PRODH2: variants seen among roughly 807,000 people sequenced by gnomAD.
The protein encoded by PRODH2 is hydroxyproline dehydrogenase.
A neutral mutation model predicts 51.9 loss-of-function variants in PRODH2; 49 were observed. The observed-to-expected ratio is 0.94, with a 90% CI of 0.75 to 1.20. The LOEUF (loss-of-function observed/expected upper bound fraction) is 1.20, where lower values mean the gene tolerates loss of function less well. Ranked by LOEUF, PRODH2 falls within the 50% of genes most tolerant of loss-of-function variation. The pLI is 0.00. For missense variants in PRODH2, 597 were observed against 610.9 expected (o/e 0.98, Z 0.24); for synonymous variants, 249 against 260.7 (o/e 0.96, Z 0.43).
chr19:35,803,809 G>T (rs759985367), intron 7 of PRODH2, among the ~76,000 whole-genome samples: 1 of 152,194 alleles, frequency 6.6e-6, no homozygotes, highest in Non-Finnish European at 1.5e-5. Context: ...GTGCTCTATC[G>T]CGCAACTGTG....
Position 35,807,085 on chromosome 19 carries a change from G to C in PRODH2, c.634C>G (p.Gln212Glu), listed in dbSNP as rs758483501. The change falls in exon 5 of 10, where the codon CAG becomes GAG. Residue 212 changes from glutamine (Q) to glutamate (E), a missense_variant. Physicochemically the swap from Gln to Glu is conservative, Grantham distance 29 (BLOSUM62 2). Coordinates refer to ENST00000653904, the MANE Select transcript of PRODH2 (RefSeq NM_021232.2). Reference protein sequence around the residue: ...QVSCLNAEQNQHLRASLSRLH... With the variant: ...QVSCLNAEQNEHLRASLSRLH... The stretch of plus-strand genomic sequence containing the variant: ...CGGCTGAGGGAGGCCCGGAGGTGCT[G>C]GTTCTGCTCAGCATTGAGGCAGGAG... 3.0e-5 allele frequency: 46 copies of C among 1,552,664 alleles called. No homozygotes were observed. Among genetic ancestry groups the C allele is most frequent in the Non-Finnish European group, 3.7e-5 (42 of 1,147,640 alleles).
chr19:35,812,081 G>A (rs746606252), intron 3 of PRODH2, 33 bp from the exon 4 acceptor site: 4 of 1,613,856 alleles, frequency 2.5e-6, no homozygotes, highest in South Asian at 2.2e-5. Flanking sequence ...GTGGTGAGGG[G>A]AGCCCGATGG....
At chr19:35,806,301 C>T (rs1328466043) in intron 7 of PRODH2, 129 bp downstream of exon 7, 1 of 1,221,998 alleles carries the variant, frequency 8.2e-7, no homozygotes, top group Non-Finnish European at 1.2e-6. Context: ...CCAGGCTGGT[C>T]TCCAACTCCT....
In PRODH2 at chr19:35,800,034, G is replaced by T. The variant is rs367888716; in HGVS notation, c.*4C>A. The T allele has an allele frequency of 5.6e-6, 9 of 1,609,020 alleles. No individual in the cohort carries two copies. Among genetic ancestry groups the T allele is most frequent in the Non-Finnish European group, 7.6e-6 (9 of 1,178,214 alleles). ...TTATTGACCACATGACCCCCTCAGGGGTGCTAGTGGGGTATCCTTCGGCAT... is the reference window on the plus strand; with the variant it reads ...TTATTGACCACATGACCCCCTCAGGTGTGCTAGTGGGGTATCCTTCGGCAT... On this transcript the variant is annotated 3_prime_UTR_variant, in exon 10 of 10. Transcript: ENST00000653904.
At chr19:35,807,623 A>C (rs1246564347) in intron 4 of PRODH2, among the ~76,000 whole-genome samples, 1 of 152,026 alleles carries the variant, frequency 6.6e-6, no homozygotes, top group Admixed American at 6.6e-5. Flanking sequence ...CTCTTTGAAC[A>C]CGAGGGCACC....
chr19:35,812,747 T>G lies in PRODH2; in HGVS notation c.59A>C (p.Gln20Pro), dbSNP rs1972637068. ...SQAGPPSRGW[Q>P]SLSFDGGAFH... ...GGCCCCGCCATCAAAGCTCAGGGAC[T>G]GCCAGCCCCTGGAGGGGGGACCAGC... is the stretch of plus-strand genomic sequence containing the variant. The change falls in exon 1 of 10, where the codon CAG becomes CCG. Residue 20 changes from glutamine to proline, a missense_variant. Coordinates refer to ENST00000653904, the MANE Select transcript of PRODH2 (RefSeq NM_021232.2). The G allele has an allele frequency of 1.9e-6, 3 of 1,610,758 alleles. No homozygotes were observed. The highest frequency in any genetic ancestry group is 1.7e-4 in the Middle Eastern group (1 of 6,048).
In PRODH2 at chr19:35,812,566, A is replaced by T. The variant is rs1270554532; in HGVS notation, c.175-10T>A. ...GAGACCAGGCCTGGAGCTGGGTGAC[A>T]GGGAGCGAGGGCTCAGCGCCAGGCT... On this transcript the variant is annotated splice_polypyrimidine_tract_variant and intron_variant, in intron 1 of 9. Transcript: ENST00000653904. The T allele has an allele frequency of 1.2e-6, 2 of 1,612,528 alleles. No individual in the cohort carries two copies. The highest frequency in any genetic ancestry group is 3.3e-5 in the Admixed American group (2 of 59,914).
rs1427671795 is a variant in PRODH2, at chr19:35,806,810, C to T, written c.699G>A (p.Val233=). The change falls in exon 6 of 10, where the codon GTG becomes GTA. Residue 233 remains valine, a synonymous_variant. Coordinates refer to ENST00000653904, the MANE Select transcript of PRODH2 (RefSeq NM_021232.2). ...TGTACTCCGCATCCACCAGGAGCCG[C>T]ACGTGCTGGGCCCGGGCATACTGAT... is the stretch of plus-strand genomic sequence containing the variant. The part of the protein sequence containing the change: ...RVAQYARAQH[V]RLLVDAEYTS... 5 of 1,608,856 alleles carry T rather than the reference C, an allele frequency of 3.1e-6. No homozygotes were observed. The highest frequency in any genetic ancestry group is 1.7e-4 in the Middle Eastern group (1 of 5,814).
chr19:35,812,637 G>A lies in PRODH2; in HGVS notation c.169C>T (p.Leu57=), dbSNP rs150476704. The A allele has an allele frequency of 6.3e-7, 1 of 1,593,270 alleles. No homozygotes were observed. ...TCCTCAGGATCACTGCTCACCAACAGCCCGTGAGTGACGAGTGGGGGCCAG... is the reference window on the plus strand; with the variant it reads ...TCCTCAGGATCACTGCTCACCAACAACCCGTGAGTGACGAGTGGGGGCCAG... The part of the protein sequence containing the change: ...CAWPPLVTHG[L]LLQAWSRRLL... The change falls in exon 1 of 10, where the codon CTG becomes TTG. Residue 57 remains leucine, a synonymous_variant. Transcript: ENST00000653904.
chr19:35,812,328 C>G (rs767545893), intron 2 of PRODH2, 32 bp downstream of exon 2: 5 of 1,610,228 alleles, frequency 3.1e-6, no homozygotes, highest in Non-Finnish European at 4.2e-6. Context: ...CTGCGTCCTC[C>G]CAGCCTCCCT....
At chr19:35,801,927 A>T in intron 9 of PRODH2, 2 of 473,610 alleles carry the variant, frequency 4.2e-6, no homozygotes, top group Non-Finnish European at 7.7e-6. Context: ...AGAAGGAAAC[A>T]TTAATTACCT....
chr19:35,806,801 C>T lies in PRODH2; in HGVS notation c.708G>A (p.Leu236=). 1 of 1,610,868 alleles carries T rather than the reference C, an allele frequency of 6.2e-7. No homozygotes were observed. Among genetic ancestry groups the T allele is most frequent in the Admixed American group, 1.7e-5 (1 of 59,634 alleles). ...TCAGTGAGGTGTACTCCGCATCCAC[C>T]AGGAGCCGCACGTGCTGGGCCCGGG... ...QYARAQHVRL[L]VDAEYTSLNP... The change falls in exon 6 of 10, where the codon CTG becomes CTA. Residue 236 remains leucine (L), a synonymous_variant. Coordinates refer to ENST00000653904, the MANE Select transcript of PRODH2 (RefSeq NM_021232.2).
intron 4 of PRODH2, among the ~76,000 whole-genome samples, chr19:35,810,523 ATTTTTT>A (rs1217252603): frequency 7.2e-6 from 1 of 138,032 alleles, no homozygotes. Context: ...GGCAAGAAGA[ATTTTTT>A]TTTTTTTTTT....
intron 8 of PRODH2, 31 bp downstream of exon 8, chr19:35,802,937 C>A: frequency 6.9e-7 from 1 of 1,459,810 alleles, no homozygotes; most frequent in Non-Finnish European, 9.3e-7. Context: ...TTTGTGGGCA[C>A]CTATTTCCCG....
At chr19:35,809,127 CCTTT>C (rs1334583765) in intron 4 of PRODH2, among the ~76,000 whole-genome samples, 2 of 150,064 alleles carry the variant, frequency 1.3e-5, no homozygotes, top group Admixed American at 1.3e-4. Flanking sequence ...TTCCTTCCTT[CCTTT>C]CCTTCCTTCC....
In PRODH2 at chr19:35,800,128, G is replaced by C. The variant is rs372605004; in HGVS notation, c.1293C>G (p.Ser431Arg). The C allele has an allele frequency of 7.5e-6, 12 of 1,608,604 alleles. No homozygotes were observed. Among genetic ancestry groups the C allele is most frequent in the African/African-American group, 1.3e-5 (1 of 74,838 alleles). ...GTTCCCTGCGGGCACCCTGAAGCAC[G>C]CTCCGGTTCTCCTGGGCCCTCCGGA... ...YLIRRAQENR[S>R]VLQGARREQE... Residue 431 changes from serine (S) to arginine (R), a missense_variant, in exon 10 of 10, where the codon AGC (serine) becomes AGG (arginine). Coordinates refer to ENST00000653904, the MANE Select transcript of PRODH2 (RefSeq NM_021232.2).
At chr19:35,801,948 C>T (rs1248319438) in intron 9 of PRODH2, 4 of 504,936 alleles carry the variant, frequency 7.9e-6, no homozygotes, top group Non-Finnish European at 1.4e-5. Context: ...GGTGTCAGGC[C>T]CTGAGGAGCA....
intron 4 of PRODH2, among the ~76,000 whole-genome samples, chr19:35,808,456 A>G (rs1167329211): frequency 6.6e-6 from 1 of 152,074 alleles, no homozygotes; most frequent in Non-Finnish European, 1.5e-5. Flanking sequence ...TGGTGGGGAG[A>G]ATGCTGCCTC....
intron 5 of PRODH2, 42 bp downstream of exon 5, chr19:35,806,999 A>T (rs769782265): frequency 3.6e-5 from 56 of 1,535,874 alleles, no homozygotes; most frequent in East Asian, 2.5e-4. Flanking sequence ...TGCAGGCGGC[A>T]GAGGGAGGCC....
Sources: gnomAD v4.1 joint callset for allele counts (sites outside exome capture counted in the v4.1 genomes callset) on GRCh38, gnomAD v4.1.1 for gene constraint, MANE v1.5 for transcripts, NCBI Gene and HGNC (gene_info 2026-07-23, HGNC 2026-07-21) for gene names.